CDYL2: variants seen among roughly 807,000 people sequenced by gnomAD.
The protein encoded by CDYL2 is chromodomain Y-like protein 2.
CDYL2 carries 23 observed loss-of-function variants against 49.4 expected under a neutral mutation model. The ratio of observed to expected loss-of-function variants is 0.47; its 90% CI spans 0.34 to 0.66. CDYL2 has a LOEUF of 0.66. CDYL2 is among the 30% of genes least tolerant of loss of function. The pLI is 0.01. For synonymous variants in CDYL2, 360 were observed against 268.8 expected, an observed-to-expected ratio of 1.34 and a Z score of -3.32; for missense variants, 678 against 656.4, an observed-to-expected ratio of 1.03 and a Z score of -0.36.
chr16:80,780,087 A>G (rs1377320488), intron 1 of CDYL2, among the ~76,000 whole-genome samples: 2 of 152,136 alleles, frequency 1.3e-5, no homozygotes, highest in Non-Finnish European at 1.5e-5. Flanking sequence ...CCTGAAAACA[A>G]TCTTATAAAG....
intron 1 of CDYL2, among the ~76,000 whole-genome samples, chr16:80,702,039 G>A (rs1212490820): frequency 6.6e-6 from 1 of 152,114 alleles, no homozygotes; most frequent in Non-Finnish European, 1.5e-5. Context: ...GTGCCAAATA[G>A]CAGAATTATT....
chr16:80,627,108 C>G (rs7189369), intron 3 of CDYL2, among the ~76,000 whole-genome samples: 24,912 of 152,076 alleles, frequency 0.16, 6,586 homozygotes, highest in African/African-American at 0.56. Context: ...GAATCTCCAG[C>G]CCTGTGCCCT....
intron 1 of CDYL2, among the ~76,000 whole-genome samples, chr16:80,707,550 C>T (rs913997738): frequency 1.3e-5 from 2 of 152,176 alleles, no homozygotes; most frequent in Non-Finnish European, 2.9e-5. Context: ...CCTTCTGGTT[C>T]GGTGACTGTA....
chr16:80,712,323 G>T (rs900088704), intron 1 of CDYL2, among the ~76,000 whole-genome samples: 7 of 151,632 alleles, frequency 4.6e-5, no homozygotes, highest in African/African-American at 1.5e-4. Flanking sequence ...ATCACCTGGA[G>T]ACCATGCATA....
chr16:80,636,268 G>A (rs1029122782), intron 2 of CDYL2, among the ~76,000 whole-genome samples: 1 of 152,138 alleles, frequency 6.6e-6, no homozygotes, highest in Non-Finnish European at 1.5e-5. Flanking sequence ...AGAGTGAACA[G>A]GCAACCTACA....
chr16:80,642,672 G>C lies in CDYL2; in HGVS notation c.617-9436C>G, dbSNP rs57933761. On this transcript the variant is annotated intron_variant, in intron 2 of 6. Transcript: ENST00000570137. The stretch of plus-strand genomic sequence containing the variant: ...CTCAGAATCATGGAGGGAGGTGAAA[G>C]GCACTTCTTACATAGCAGTGGCAAG... 4.0e-3 allele frequency among the ~76,000 whole-genome samples: 601 copies of C among 152,128 alleles called. 4 individuals are homozygous for C. The highest frequency in any genetic ancestry group is 0.014 in the African/African-American group (587 of 41,486).
chr16:80,632,938 G>A, intron 3 of CDYL2, 81 bp downstream of exon 3: 1 of 1,377,132 alleles, frequency 7.3e-7, no homozygotes, highest in Non-Finnish European at 1.0e-6. Context: ...CTGATGGAAG[G>A]AAGGAGAAAG....
intron 2 of CDYL2, among the ~76,000 whole-genome samples, chr16:80,678,378 T>C (rs1297747322): frequency 2.0e-5 from 3 of 152,132 alleles, no homozygotes; most frequent in Non-Finnish European, 2.9e-5. Context: ...AAAGGGCTAA[T>C]ATCCAGAATC....
rs139764679 is a variant in CDYL2, at chr16:80,618,395, A to G, written c.1007+2368T>C. On this transcript the variant is annotated intron_variant, in intron 4 of 6. Coordinates refer to ENST00000570137, the MANE Select transcript of CDYL2 (RefSeq NM_152342.4). Reference sequence around the variant, plus strand: ...GCACAGATACCACGCAGCAGACCCCAATGGGTAGAGGCTATGGGGACAGGA... The same window carrying G: ...GCACAGATACCACGCAGCAGACCCCGATGGGTAGAGGCTATGGGGACAGGA... 2.7e-3 allele frequency among the ~76,000 whole-genome samples: 404 copies of G among 152,290 alleles called. 2 individuals are homozygous for G. Among genetic ancestry groups the G allele is most frequent in the Non-Finnish European group, 4.6e-3 (311 of 68,002 alleles).
chr16:80,633,487 T>A (rs1156385087), intron 2 of CDYL2, among the ~76,000 whole-genome samples: 1 of 152,146 alleles, frequency 6.6e-6, no homozygotes, highest in Non-Finnish European at 1.5e-5. Context: ...TACTCTCTTC[T>A]CCCATATATC....
At chr16:80,697,773 T>G (rs1277207115) in intron 1 of CDYL2, among the ~76,000 whole-genome samples, 1 of 151,604 alleles carries the variant, frequency 6.6e-6, no homozygotes, top group Non-Finnish European at 1.5e-5. Context: ...CGTAACAAAC[T>G]AGCTGAAAAA....
chr16:80,793,241 T>G (rs74030443), intron 1 of CDYL2, among the ~76,000 whole-genome samples: 2,885 of 152,296 alleles, frequency 0.019, 97 homozygotes, highest in African/African-American at 0.065. Flanking sequence ...CAGGGCGGTC[T>G]TTGTGCGTGC....
intron 6 of CDYL2, among the ~76,000 whole-genome samples, chr16:80,605,356 T>TATTATGTATATGTATAATATATA (rs1330404720): frequency 2.0e-5 from 3 of 148,368 alleles, no homozygotes; most frequent in Non-Finnish European, 4.5e-5. Context: ...ATACATATTA[T>TATTATGTATATGTATAATATATA]ATTATGTATA....
At chr16:80,737,491 A>G (rs1905577129) in intron 1 of CDYL2, among the ~76,000 whole-genome samples, 1 of 152,184 alleles carries the variant, frequency 6.6e-6, no homozygotes, top group African/African-American at 2.4e-5. Flanking sequence ...CTCTTCAGCC[A>G]CTGTATTAAA....
At chr16:80,701,223 G>C (rs890457102) in intron 1 of CDYL2, among the ~76,000 whole-genome samples, 2 of 152,290 alleles carry the variant, frequency 1.3e-5, no homozygotes, top group South Asian at 2.1e-4. Flanking sequence ...TTAATGTACA[G>C]TATGATCCCA....
intron 1 of CDYL2, among the ~76,000 whole-genome samples, chr16:80,776,977 C>G (rs1907105848): frequency 6.6e-6 from 1 of 151,986 alleles, no homozygotes; most frequent in South Asian, 2.1e-4. Context: ...GCTGCCACGC[C>G]CGGCTAATTT....
intron 2 of CDYL2, among the ~76,000 whole-genome samples, chr16:80,647,264 G>T (rs941318050): frequency 2.0e-5 from 3 of 152,118 alleles, no homozygotes; most frequent in Non-Finnish European, 4.4e-5. Flanking sequence ...AATCAATATT[G>T]TTAAAATGGC....
At position 80,658,761 on chromosome 16, in the gene CDYL2, G is replaced by A. The variant is rs114332445; in HGVS notation, c.617-25525C>T. ...ATGAGCTATGTAGATCCCACATGTTGGTTTCTAAATAACAATCCCACTAAA... is the reference window on the plus strand; with the variant it reads ...ATGAGCTATGTAGATCCCACATGTTAGTTTCTAAATAACAATCCCACTAAA... On this transcript the variant is annotated intron_variant, in intron 2 of 6. Transcript: ENST00000570137. Among the ~76,000 whole-genome samples, 605 of 152,218 alleles carry A rather than the reference G, an allele frequency of 4.0e-3. 3 individuals are homozygous for A. The highest frequency in any genetic ancestry group is 0.014 in the African/African-American group (587 of 41,524).
At chr16:80,766,675 T>C (rs747504651) in intron 1 of CDYL2, among the ~76,000 whole-genome samples, 2 of 152,132 alleles carry the variant, frequency 1.3e-5, no homozygotes, top group Non-Finnish European at 1.5e-5. Context: ...ACACAACTAA[T>C]AACGATGGGA....
Sources: allele counts gnomAD v4.1 joint callset (sites outside exome capture counted in the v4.1 genomes callset), GRCh38; gene constraint gnomAD v4.1.1; transcripts MANE v1.5; gene names NCBI Gene and HGNC (gene_info 2026-07-23, HGNC 2026-07-21).